Variants in TTC3 observed in about 807,000 individuals in gnomAD.
The protein encoded by TTC3 is tetratricopeptide repeat domain 3.
A neutral mutation model predicts 249.6 loss-of-function variants in TTC3; 180 were observed. That is an observed-to-expected ratio of 0.72 (90% CI 0.64 to 0.82). The LOEUF is 0.82. TTC3 is among the 40% of genes least tolerant of loss of function. TTC3 has a pLI of 0.00. For missense variants in TTC3, 2,061 were observed against 2,398.4 expected, an observed-to-expected ratio of 0.86 and a Z score of 2.94; for synonymous variants, 717 against 805.0, an observed-to-expected ratio of 0.89 and a Z score of 1.85.
chr21:37,125,643 A>G (rs1181492143), intron 14 of TTC3, among the ~76,000 whole-genome samples: 7 of 151,700 alleles, frequency 4.6e-5, no homozygotes, highest in African/African-American at 1.7e-4. Flanking sequence ...AATTTATTAT[A>G]TATAGAAAAA....
intron 15 of TTC3, among the ~76,000 whole-genome samples, chr21:37,126,927 TCTCTGCAGCCTCTGC>T (rs1237833519): frequency 1.3e-5 from 2 of 151,940 alleles, no homozygotes; most frequent in African/African-American, 4.8e-5. Flanking sequence ...TGATCTGGGC[TCTCTGCAGCCTCTGC>T]CTCCTGGGTT....
At chr21:37,200,143 A>T in intron 44 of TTC3, 89 bp from the exon 45 acceptor site, 1 of 1,193,514 alleles carries the variant, frequency 8.4e-7, no homozygotes, top group Non-Finnish European at 1.2e-6. Context: ...TTGTGGCAGA[A>T]GATGTTTGAA....
chr21:37,145,220 T>C (rs1319842167), intron 21 of TTC3, among the ~76,000 whole-genome samples: 1 of 152,226 alleles, frequency 6.6e-6, no homozygotes, highest in Non-Finnish European at 1.5e-5. Flanking sequence ...TGTAGTGAAC[T>C]CTCACATGTA....
chr21:37,190,066 C>T (rs992957575), intron 39 of TTC3, among the ~76,000 whole-genome samples: 1 of 151,204 alleles, frequency 6.6e-6, no homozygotes, highest in Non-Finnish European at 1.5e-5. Flanking sequence ...AATTTCAAAC[C>T]CTCAGCATTG....
chr21:37,162,181 C>A, intron 31 of TTC3, 118 bp downstream of exon 31: 1 of 584,668 alleles, frequency 1.7e-6, no homozygotes, highest in Non-Finnish European at 2.8e-6. Context: ...CTTTCTAAAG[C>A]TGTGCATCTG....
chr21:37,124,455 T>C (rs2076898594), intron 13 of TTC3, among the ~76,000 whole-genome samples, 164 bp from the exon 14 acceptor site: 1 of 152,282 alleles, frequency 6.6e-6, no homozygotes, highest in Admixed American at 6.5e-5. Flanking sequence ...TAATGCCAAA[T>C]ATAAAATAAT....
chr21:37,134,319 C>T (rs900590853), intron 17 of TTC3, among the ~76,000 whole-genome samples: 1 of 151,994 alleles, frequency 6.6e-6, no homozygotes, highest in African/African-American at 2.4e-5. Context: ...GGTGTGGTGG[C>T]GTGCACCTGT....
intron 11 of TTC3, among the ~76,000 whole-genome samples, chr21:37,113,573 G>A (rs1174125169): frequency 6.6e-6 from 1 of 152,154 alleles, no homozygotes; most frequent in African/African-American, 2.4e-5. Context: ...ATGCTCATGG[G>A]TAGGAAGAAT....
At chr21:37,160,712 C>G in intron 29 of TTC3, 90 bp from the exon 30 acceptor site, 1 of 1,301,336 alleles carries the variant, frequency 7.7e-7, no homozygotes. Context: ...TAACTTATGG[C>G]TAGTCTGTAA....
At chr21:37,137,785 A>G (rs887905688) in intron 18 of TTC3, among the ~76,000 whole-genome samples, 19 of 152,228 alleles carry the variant, frequency 1.2e-4, no homozygotes, top group Non-Finnish European at 2.5e-4. Flanking sequence ...GTCAATCAGT[A>G]TGACAGACTT....
chr21:37,155,959 A>G (rs1301871801), intron 27 of TTC3, among the ~76,000 whole-genome samples: 2 of 152,176 alleles, frequency 1.3e-5, no homozygotes, highest in Non-Finnish European at 2.9e-5. Context: ...TATGGAATCC[A>G]TATAAAGAAT....
Position 37,128,991 on chromosome 21 carries a change from T to C in TTC3, c.1298-12T>C. 3.2e-6 allele frequency: 5 copies of C among 1,562,006 alleles called. No individual in the cohort carries two copies. Among genetic ancestry groups the C allele is most frequent in the Non-Finnish European group, 4.3e-6 (5 of 1,156,964 alleles). On this transcript the variant is annotated splice_polypyrimidine_tract_variant and intron_variant, in intron 15 of 45. Coordinates refer to ENST00000355666, the Ensembl canonical transcript of TTC3. Reference sequence around the variant, plus strand: ...GTACAGATTTTAGGAACAAATACTTTTGTGTTCACAGGTCAGCCTCCAAAA... The same window carrying C: ...GTACAGATTTTAGGAACAAATACTTCTGTGTTCACAGGTCAGCCTCCAAAA...
intron 35 of TTC3, 120 bp downstream of exon 35, chr21:37,172,864 T>A: frequency 4.1e-6 from 5 of 1,222,044 alleles, no homozygotes; most frequent in Non-Finnish European, 5.6e-6. Context: ...AAAGATTCTT[T>A]CTCAGAATCG....
chr21:37,199,977 G>C (rs1375945585), intron 44 of TTC3, among the ~76,000 whole-genome samples: 1 of 152,114 alleles, frequency 6.6e-6, no homozygotes, highest in African/African-American at 2.4e-5. Context: ...CTTCACCTGG[G>C]GATCTTCTGG....
In TTC3 at chr21:37,154,366, T is replaced by G. The variant is rs540078575; in HGVS notation, c.2740+1089T>G. Among the ~76,000 whole-genome samples the G allele has an allele frequency of 3.2e-4, 49 of 152,248 alleles. 1 individual carries two copies. In the South Asian group the frequency reaches 0.01, roughly 32 times the overall value. ...GGTCAGCTTCTGCCAGAAGAGACGA[T>G]GTAAGATGGCAGCAAGCCTGGCATA... On this transcript the variant is annotated intron_variant, in intron 27 of 45. Coordinates refer to ENST00000355666, the Ensembl canonical transcript of TTC3.
At chr21:37,108,230 C>T in intron 10 of TTC3, 162 bp from the exon 11 acceptor site, 3 of 545,200 alleles carry the variant, frequency 5.5e-6, no homozygotes, top group South Asian at 4.0e-5. Context: ...CTGTATTTTC[C>T]AAATTTCCTA....
At position 37,095,694 on chromosome 21, in the gene TTC3, TAC is replaced by T. The variant is rs1395544140; in HGVS notation, c.782+252_782+253del. ...TTCCATTTTCTTTAAAACTTTCCAG[TAC>T]AGAGTTACCTCTTTTGTCTTGTTCT... On this transcript the variant is annotated intron_variant, in intron 9 of 45. Transcript: ENST00000355666. 2.0e-5 allele frequency among the ~76,000 whole-genome samples: 3 copies of T among 152,218 alleles called. No individual in the cohort carries two copies. The East Asian group carries it at 5.8e-4, about 29-fold the overall frequency.
intron 34 of TTC3, among the ~76,000 whole-genome samples, chr21:37,171,442 T>C (rs1267448395): frequency 6.6e-6 from 1 of 152,208 alleles, no homozygotes; most frequent in Admixed American, 6.5e-5. Context: ...GCAAACATAA[T>C]GTATTTCTCA....
Position 37,178,053 on chromosome 21 carries a change from G to T in TTC3, c.4618-4721G>T, listed in dbSNP as rs182712130. On this transcript the variant is annotated intron_variant, in intron 35 of 45. Coordinates refer to ENST00000355666, the Ensembl canonical transcript of TTC3. ...TCTATTCTGGGCATTTTGTATAAATGGATCATGTTACATGTAGTCTTTTAT... is the reference window on the plus strand; with the variant it reads ...TCTATTCTGGGCATTTTGTATAAATTGATCATGTTACATGTAGTCTTTTAT... 5.9e-5 allele frequency among the ~76,000 whole-genome samples: 9 copies of T among 152,238 alleles called. No homozygotes were observed. The East Asian group carries it at 1.5e-3, about 26-fold the overall frequency.
Sources: gnomAD v4.1 joint callset for allele counts (sites outside exome capture counted in the v4.1 genomes callset) on GRCh38, gnomAD v4.1.1 for gene constraint, MANE v1.5 for transcripts, NCBI Gene and HGNC (gene_info 2026-07-23, HGNC 2026-07-21) for gene names.